Variants in SFMBT2 observed in about 807,000 individuals in gnomAD.
SFMBT2 encodes scm-like with four MBT domains protein 2.
Under a neutral mutation model 110.1 loss-of-function variants are expected in SFMBT2, and 38 were observed. The observed-to-expected ratio is 0.35, with a 90% confidence interval of 0.27 to 0.45. The LOEUF is 0.45. Among genes scored for constraint, SFMBT2 ranks in the 20% least tolerant of loss-of-function variants. The pLI is 1.00. For missense variants in SFMBT2, 1,011 were observed against 1,094.9 expected (o/e 0.92, Z 1.08); for synonymous variants, 425 against 425.4 (o/e 1.00, Z 0.01).
chr10:7,367,533 C>A lies in SFMBT2; in HGVS notation c.436+116G>T, dbSNP rs1844945695. On this transcript the variant is annotated intron_variant, in intron 4 of 20. Coordinates refer to ENST00000397167, the MANE Select transcript of SFMBT2 (RefSeq NM_001387889.1). This position sits in a 1 kb window ranked among gnomAD's most constrained non-coding sequence, Gnocchi z 6.2. Reference sequence around the variant, plus strand: ...AAACCACTCTGAAAGAACTGTGAGACCTTTGCACTAAGACCATTAGGGATT... The same window carrying A: ...AAACCACTCTGAAAGAACTGTGAGAACTTTGCACTAAGACCATTAGGGATT... 8.2e-6 allele frequency: 12 copies of A among 1,466,616 alleles called. No homozygotes were observed. Among genetic ancestry groups the A allele is most frequent in the Non-Finnish European group, 1.1e-5 (12 of 1,106,312 alleles). 90.9% of individuals were successfully genotyped at this position (1,466,616 alleles called of 1,614,324 possible).
At chr10:7,409,525 G>A (rs1387295571) in intron 1 of SFMBT2, among the ~76,000 whole-genome samples, 1 of 152,008 alleles carries the variant, frequency 6.6e-6, no homozygotes, top group Non-Finnish European at 1.5e-5. Flanking sequence ...ACGCAGGCCT[G>A]CACACTAATC....
At chr10:7,204,356 G>A (rs1380400546) in intron 12 of SFMBT2, 2 of 985,264 alleles carry the variant, frequency 2.0e-6, no homozygotes, top group African/African-American at 3.5e-5. Context: ...TACAGAAGTG[G>A]CCACAGAACA....
intron 4 of SFMBT2, among the ~76,000 whole-genome samples, chr10:7,321,302 T>C (rs1023424389): frequency 6.6e-6 from 1 of 151,008 alleles, no homozygotes; most frequent in Non-Finnish European, 1.5e-5. Flanking sequence ...CCCGGGTTCA[T>C]GCCATTCTCC....
intron 14 of SFMBT2, among the ~76,000 whole-genome samples, chr10:7,199,789 T>C (rs1204813405): frequency 6.6e-6 from 1 of 152,204 alleles, no homozygotes; most frequent in African/African-American, 2.4e-5. Flanking sequence ...TTGGTTTTAA[T>C]CCTGGAATTC....
intron 4 of SFMBT2, among the ~76,000 whole-genome samples, chr10:7,355,499 T>C (rs1844476599): frequency 6.6e-6 from 1 of 152,170 alleles, no homozygotes; most frequent in African/African-American, 2.4e-5. Context: ...TGTGAATTTG[T>C]ATGGTAAAAT....
chr10:7,368,379 T>A, intron 3 of SFMBT2: 2 of 985,374 alleles, frequency 2.0e-6, no homozygotes, highest in Non-Finnish European at 2.4e-6. Flanking sequence ...TCTGTTGATA[T>A]CTACCAGCCC....
chr10:7,374,381 T>A (rs1428182080), intron 2 of SFMBT2, among the ~76,000 whole-genome samples: 1 of 152,168 alleles, frequency 6.6e-6, no homozygotes, highest in Admixed American at 6.5e-5. Context: ...CCACAAAGAT[T>A]CGATGATTCT....
chr10:7,329,984 T>C (rs1843516661), intron 4 of SFMBT2, among the ~76,000 whole-genome samples: 1 of 152,146 alleles, frequency 6.6e-6, no homozygotes. Context: ...TTTAATACCA[T>C]GGTTACAGGC....
intron 1 of SFMBT2, among the ~76,000 whole-genome samples, chr10:7,385,843 C>CA (rs562413090): frequency 2.0e-5 from 3 of 151,984 alleles, no homozygotes; most frequent in African/African-American, 4.8e-5. Context: ...ACTAAAAATA[C>CA]AAAAAAATTA....
chr10:7,391,758 C>G (rs1422987043), intron 1 of SFMBT2, among the ~76,000 whole-genome samples: 1 of 152,136 alleles, frequency 6.6e-6, no homozygotes, highest in Non-Finnish European at 1.5e-5. Context: ...TCTATAGTAT[C>G]TCCTCCTGAT....
At chr10:7,314,156 G>A (rs1328596883) in intron 4 of SFMBT2, among the ~76,000 whole-genome samples, 6 of 152,266 alleles carry the variant, frequency 3.9e-5, no homozygotes, top group East Asian at 1.9e-4. Flanking sequence ...ATCATTGCAC[G>A]TTAGGATTTA....
At chr10:7,183,971 G>A (rs1434457592) in intron 16 of SFMBT2, among the ~76,000 whole-genome samples, 1 of 152,088 alleles carries the variant, frequency 6.6e-6, no homozygotes, top group African/African-American at 2.4e-5. Context: ...ACCTGTCTTT[G>A]GTCAGTTTAA....
chr10:7,304,526 A>G (rs17425824), intron 4 of SFMBT2, among the ~76,000 whole-genome samples: 11,137 of 152,192 alleles, frequency 0.073, 543 homozygotes, highest in Non-Finnish European at 0.11. Context: ...AACTTAACAA[A>G]CGGGTTATGT....
At chr10:7,394,111 T>TA (rs1213309885) in intron 1 of SFMBT2, among the ~76,000 whole-genome samples, 1 of 152,096 alleles carries the variant, frequency 6.6e-6, no homozygotes, top group African/African-American at 2.4e-5. Context: ...GAGATCCTCC[T>TA]AACTCAGCCT....
chr10:7,325,774 G>A (rs563861960), intron 4 of SFMBT2, among the ~76,000 whole-genome samples: 5 of 152,312 alleles, frequency 3.3e-5, no homozygotes, highest in African/African-American at 1.2e-4. Flanking sequence ...GGAAGTGGCT[G>A]CTATCGGGTA....
At chr10:7,239,785 A>G (rs1041331809) in intron 9 of SFMBT2, among the ~76,000 whole-genome samples, 2 of 152,148 alleles carry the variant, frequency 1.3e-5, no homozygotes, top group East Asian at 1.9e-4. Context: ...AATTACTAAG[A>G]AGGAGGAACA....
chr10:7,234,283 G>A (rs893117280), intron 9 of SFMBT2, among the ~76,000 whole-genome samples: 10 of 142,344 alleles, frequency 7.0e-5, no homozygotes, highest in African/African-American at 1.9e-4. Context: ...TAGCCCTACC[G>A]CCTTCCTTAT....
chr10:7,390,380 G>C (rs752296033), intron 1 of SFMBT2, among the ~76,000 whole-genome samples: 2 of 152,124 alleles, frequency 1.3e-5, no homozygotes, highest in African/African-American at 2.4e-5. Flanking sequence ...ACTTCAAAAG[G>C]AGACTTAACA....
intron 7 of SFMBT2, among the ~76,000 whole-genome samples, chr10:7,275,335 G>A (rs1841737333): frequency 6.6e-6 from 1 of 152,196 alleles, no homozygotes; most frequent in Non-Finnish European, 1.5e-5. Context: ...GATGACTGAG[G>A]CCACGGTGAA....
Sources: allele counts gnomAD v4.1 joint callset (sites outside exome capture counted in the v4.1 genomes callset), GRCh38; gene constraint gnomAD v4.1.1; non-coding constraint Gnocchi (gnomAD v3.1); transcripts MANE v1.5; gene names NCBI Gene and HGNC (gene_info 2026-07-23, HGNC 2026-07-21).